KIF21A: variants seen among roughly 807,000 people sequenced by gnomAD.
KIF21A encodes the protein kinesin-like protein KIF21A.
A neutral mutation model predicts 202.9 loss-of-function variants in KIF21A; 114 were observed. That is an observed-to-expected ratio of 0.56 (90% CI 0.48 to 0.66). The LOEUF (loss-of-function observed/expected upper bound fraction) is 0.66, where lower values mean the gene tolerates loss of function less well. Ranked by LOEUF, KIF21A falls within the 30% of genes least tolerant of loss-of-function variation. The pLI is 0.00. For synonymous variants in KIF21A, 667 were observed against 670.8 expected (o/e 0.99, Z 0.09); for missense variants, 1,677 against 1,994.9 (o/e 0.84, Z 3.04).
chr12:39,383,624 A>G (rs1437858237), intron 1 of KIF21A, among the ~76,000 whole-genome samples: 1 of 152,144 alleles, frequency 6.6e-6, no homozygotes, highest in Non-Finnish European at 1.5e-5. Flanking sequence ...ATAATAAAAA[A>G]TGAGGCAAAT....
intron 1 of KIF21A, among the ~76,000 whole-genome samples, chr12:39,405,052 G>A (rs1034346080): frequency 2.6e-5 from 4 of 152,010 alleles, no homozygotes; most frequent in Admixed American, 1.3e-4. Flanking sequence ...AGCTATTCAT[G>A]TGGTAAAAAT....
At chr12:39,423,753 G>C (rs1418141644) in intron 1 of KIF21A, among the ~76,000 whole-genome samples, 1 of 151,858 alleles carries the variant, frequency 6.6e-6, no homozygotes, top group African/African-American at 2.4e-5. Context: ...GGAAGGCAAG[G>C]CAGGTGGATC....
In KIF21A at chr12:39,393,208, G is replaced by C. The variant is rs138189767; in HGVS notation, c.45-22947C>G. ...CTGGCACTGTGCAAGACCTGCAGCA[G>C]TATGGCACCAGACTTGGTCTGACTA... is the stretch of plus-strand genomic sequence containing the variant. On this transcript the variant is annotated intron_variant, in intron 1 of 37. Transcript: ENST00000361418. 2.8e-3 allele frequency among the ~76,000 whole-genome samples: 419 copies of C among 152,006 alleles called. 2 individuals carry two copies. The highest frequency in any genetic ancestry group is 9.7e-3 in the African/African-American group (402 of 41,440).
intron 1 of KIF21A, among the ~76,000 whole-genome samples, chr12:39,391,733 C>CGTT (rs35775183): frequency 0.25 from 37,179 of 150,794 alleles, 6,396 homozygotes; most frequent in African/African-American, 0.49. Context: ...CTGCAATTTT[C>CGTT]GTTGTTGTTG....
chr12:39,312,624 T>C (rs1164658495), intron 31 of KIF21A: 1 of 152,016 alleles, frequency 6.6e-6, no homozygotes, highest in East Asian at 1.9e-4. Context: ...AAACATCTCA[T>C]GTACTCCATA....
intron 1 of KIF21A, among the ~76,000 whole-genome samples, chr12:39,411,828 T>C (rs1232346820): frequency 1.3e-5 from 2 of 152,178 alleles, no homozygotes; most frequent in Non-Finnish European, 2.9e-5. Flanking sequence ...TGAGCCACTG[T>C]ACCTGGCCTG....
intron 5 of KIF21A, among the ~76,000 whole-genome samples, chr12:39,366,757 A>G (rs1949629323): frequency 6.6e-6 from 1 of 152,224 alleles, no homozygotes; most frequent in Non-Finnish European, 1.5e-5. Context: ...GGAAACCTAC[A>G]GCATATAATC....
intron 1 of KIF21A, among the ~76,000 whole-genome samples, chr12:39,392,161 A>G (rs554924711): frequency 2.0e-5 from 3 of 152,228 alleles, no homozygotes; most frequent in Non-Finnish European, 2.9e-5. Flanking sequence ...GATTAAAAGG[A>G]TATTTCCAGC....
At chr12:39,307,366 G>A (rs1175939430) in intron 34 of KIF21A, among the ~76,000 whole-genome samples, 199 bp downstream of exon 34, 1 of 151,744 alleles carries the variant, frequency 6.6e-6, no homozygotes, top group African/African-American at 2.4e-5. Flanking sequence ...CAGCAACGGA[G>A]ATTAAAAAAA....
chr12:39,320,001 T>C lies in KIF21A; in HGVS notation c.3684A>G (p.Ser1228=). ...CTGGAATTTTTTTTTCTGATAGAGA[T>C]GACTGCCTGGAACTAAAGTAAAAGA... ...PSKIGSISRQ[S]SLSEKKIPEP... is the part of the protein sequence containing the mutation. The change falls in exon 28 of 38, where the codon TCA becomes TCG. Residue 1228 remains serine, a synonymous_variant. Transcript: ENST00000361418. 1 of 1,592,946 alleles carries C rather than the reference T, an allele frequency of 6.3e-7. No homozygotes were observed. Among genetic ancestry groups the C allele is most frequent in the Non-Finnish European group, 8.6e-7 (1 of 1,162,812 alleles).
At chr12:39,319,282 T>A (rs1416135366) in intron 28 of KIF21A, among the ~76,000 whole-genome samples, 1 of 152,156 alleles carries the variant, frequency 6.6e-6, no homozygotes, top group Non-Finnish European at 1.5e-5. Context: ...AGGGTAACAG[T>A]GGTTCTAATC....
At chr12:39,349,422 A>T (rs920583332) in intron 11 of KIF21A, among the ~76,000 whole-genome samples, 2 of 152,064 alleles carry the variant, frequency 1.3e-5, no homozygotes, top group African/African-American at 4.8e-5. Context: ...CCTCTCTGAC[A>T]AATAAAATAG....
At chr12:39,400,327 G>A (rs1293835363) in intron 1 of KIF21A, among the ~76,000 whole-genome samples, 1 of 152,048 alleles carries the variant, frequency 6.6e-6, no homozygotes, top group Non-Finnish European at 1.5e-5. Flanking sequence ...AGGATGTGCT[G>A]GATTATTACA....
intron 1 of KIF21A, among the ~76,000 whole-genome samples, chr12:39,441,660 T>TAAAAAAAAAAAAAAAAAAAAA (rs56245570): frequency 0.035 from 1,309 of 37,378 alleles, 262 homozygotes; most frequent in Non-Finnish European, 0.055. Flanking sequence ...CCCTGGGTGG[T>TAAAAAAAAAAAAAAAAAAAAA]AAAAAAAAAA....
intron 1 of KIF21A, among the ~76,000 whole-genome samples, chr12:39,391,120 T>A (rs1379741042): frequency 6.6e-6 from 1 of 152,198 alleles, no homozygotes; most frequent in Admixed American, 6.5e-5. Context: ...ACATACTGAT[T>A]CCATCACTGA....
intron 1 of KIF21A, among the ~76,000 whole-genome samples, chr12:39,404,492 T>C (rs1183597564): frequency 6.6e-6 from 1 of 152,174 alleles, no homozygotes; most frequent in Non-Finnish European, 1.5e-5. Flanking sequence ...AAGTAGTGCT[T>C]AAGATAATCT....
intron 34 of KIF21A, among the ~76,000 whole-genome samples, chr12:39,305,594 C>A (rs762708692): frequency 1.3e-5 from 2 of 152,032 alleles, no homozygotes; most frequent in Non-Finnish European, 2.9e-5. Flanking sequence ...TTAGTCAAAA[C>A]TAATATAATC....
chr12:39,311,797 T>G, intron 31 of KIF21A: 1 of 453,314 alleles, frequency 2.2e-6, no homozygotes, highest in South Asian at 2.7e-5. Context: ...CTATAATACA[T>G]CTAGATTTTC....
Position 39,390,325 on chromosome 12 carries a change from T to C in KIF21A, c.45-20064A>G, listed in dbSNP as rs115602136. On this transcript the variant is annotated intron_variant, in intron 1 of 37. Coordinates refer to ENST00000361418, the MANE Select transcript of KIF21A (RefSeq NM_001173464.2). ...GAAGTGAATGATTTAAATAAGAATT[T>C]TTAATGGAAGGAGAAAATTCTGGTT... Among the ~76,000 whole-genome samples, 725 of 152,310 alleles carry C rather than the reference T, an allele frequency of 4.8e-3. 4 individuals are homozygous for C. Among genetic ancestry groups the C allele is most frequent in the African/African-American group, 0.017 (697 of 41,562 alleles).
Sources: allele counts gnomAD v4.1 joint callset (sites outside exome capture counted in the v4.1 genomes callset), GRCh38; gene constraint gnomAD v4.1.1; transcripts MANE v1.5; gene names NCBI Gene and HGNC (gene_info 2026-07-23, HGNC 2026-07-21).